Variants in TNRC6A observed in about 807,000 individuals in gnomAD.
TNRC6A encodes the protein trinucleotide repeat containing adaptor 6A.
TNRC6A carries 44 observed loss-of-function variants against 221.2 expected under a neutral mutation model. That is an observed-to-expected ratio of 0.20 (90% CI 0.16 to 0.26). The LOEUF (loss-of-function observed/expected upper bound fraction) is 0.26, where lower values mean the gene tolerates loss of function less well. Among genes scored for constraint, TNRC6A ranks in the 10% least tolerant of loss-of-function variants. The pLI, the probability that TNRC6A is intolerant of heterozygous loss-of-function variation, is 1.00. For missense variants in TNRC6A, 2,199 were observed against 2,404.4 expected (o/e 0.91, Z 1.79); for synonymous variants, 847 against 838.5 (o/e 1.01, Z -0.18).
chr16:24,776,087 CAGAA>C (rs2057712440), intron 4 of TNRC6A, among the ~76,000 whole-genome samples: 1 of 152,092 alleles, frequency 6.6e-6, no homozygotes, highest in East Asian at 1.9e-4. Context: ...TGCCCAAAGA[CAGAA>C]AGCTTGTAAA....
intron 1 of TNRC6A, among the ~76,000 whole-genome samples, chr16:24,624,089 G>A (rs2141620028): frequency 6.6e-6 from 1 of 152,230 alleles, no homozygotes; most frequent in Non-Finnish European, 1.5e-5. Context: ...TCTTTCACCT[G>A]TCTGGGCATC....
intron 2 of TNRC6A, among the ~76,000 whole-genome samples, chr16:24,644,081 ATTTTTTT>A (rs748251760): frequency 3.7e-5 from 3 of 81,564 alleles, no homozygotes; most frequent in African/African-American, 5.3e-5. Context: ...CTTATCTTTA[ATTTTTTT>A]TTTTTTTTTT....
At chr16:24,779,504 G>A (rs2057794510) in intron 5 of TNRC6A, among the ~76,000 whole-genome samples, 1 of 152,206 alleles carries the variant, frequency 6.6e-6, no homozygotes, top group Non-Finnish European at 1.5e-5. Context: ...AGGAGAGTCA[G>A]TGAAGGCCTC....
chr16:24,781,664 G>C (rs1029085934), intron 5 of TNRC6A, among the ~76,000 whole-genome samples: 1 of 151,992 alleles, frequency 6.6e-6, no homozygotes, highest in South Asian at 2.1e-4. Context: ...TGAACTCTTT[G>C]TGTTGCCCCG....
intron 5 of TNRC6A, among the ~76,000 whole-genome samples, chr16:24,779,707 G>T (rs2057798994): frequency 6.6e-6 from 1 of 152,328 alleles, no homozygotes; most frequent in Non-Finnish European, 1.5e-5. Context: ...CAAGGTACTA[G>T]TTAGTATAAA....
intron 2 of TNRC6A, among the ~76,000 whole-genome samples, chr16:24,731,204 C>CT (rs916603069): frequency 6.6e-5 from 10 of 151,490 alleles, no homozygotes; most frequent in South Asian, 2.1e-4. Flanking sequence ...TTCTTTTTTT[C>CT]TTTTTTTTCA....
intron 2 of TNRC6A, among the ~76,000 whole-genome samples, chr16:24,675,447 G>A (rs554376877): frequency 1.3e-5 from 2 of 151,810 alleles, no homozygotes; most frequent in Admixed American, 6.6e-5. Context: ...TTGGGAGGCC[G>A]AGGCAGGTGG....
intron 21 of TNRC6A, among the ~76,000 whole-genome samples, chr16:24,819,281 A>G (rs1330222618): frequency 6.6e-6 from 1 of 152,192 alleles, no homozygotes; most frequent in East Asian, 1.9e-4. Context: ...GTGATGGAAG[A>G]CAGGAATTGT....
chr16:24,713,466 A>G (rs2056250843), intron 2 of TNRC6A, among the ~76,000 whole-genome samples: 1 of 151,820 alleles, frequency 6.6e-6, no homozygotes, highest in African/African-American at 2.4e-5. Flanking sequence ...ATATATATAT[A>G]TATATGTTAC....
chr16:24,653,622 A>G (rs1902786740), intron 2 of TNRC6A, among the ~76,000 whole-genome samples: 1 of 152,076 alleles, frequency 6.6e-6, no homozygotes, highest in South Asian at 2.1e-4. Flanking sequence ...CTAAAAATAC[A>G]AAAATTAGGC....
intron 1 of TNRC6A, among the ~76,000 whole-genome samples, chr16:24,621,593 G>T (rs1900680203): frequency 1.3e-5 from 2 of 151,886 alleles, no homozygotes; most frequent in Non-Finnish European, 2.9e-5. Flanking sequence ...CCTGACCTCA[G>T]ATGATCCACC....
chr16:24,631,570 G>A (rs767012267), intron 1 of TNRC6A, among the ~76,000 whole-genome samples: 6 of 152,044 alleles, frequency 3.9e-5, no homozygotes, highest in Non-Finnish European at 8.8e-5. Flanking sequence ...TTAAGAGTTC[G>A]AGACCAGCCT....
chr16:24,782,990 C>T (rs1431800477), intron 5 of TNRC6A, among the ~76,000 whole-genome samples: 1 of 152,184 alleles, frequency 6.6e-6, no homozygotes, highest in African/African-American at 2.4e-5. Context: ...ACTTTCGAAG[C>T]TCTTCCCTTT....
chr16:24,699,984 T>A (rs545719143), intron 2 of TNRC6A, among the ~76,000 whole-genome samples: 1 of 152,254 alleles, frequency 6.6e-6, no homozygotes, highest in South Asian at 2.1e-4. Flanking sequence ...CCAAAGGCTA[T>A]GTTCCTTCCA....
chr16:24,674,150 A>G (rs1466565143), intron 2 of TNRC6A, among the ~76,000 whole-genome samples: 1 of 152,064 alleles, frequency 6.6e-6, no homozygotes, highest in African/African-American at 2.4e-5. Context: ...AGCTCACTGT[A>G]GCCTTGACCT....
chr16:24,794,839 T>G (rs962032441), intron 8 of TNRC6A, 120 bp downstream of exon 8: 33 of 882,534 alleles, frequency 3.7e-5, no homozygotes, highest in African/African-American at 8.6e-5. Context: ...AGCCCCCACC[T>G]TAGGTATAGC....
intron 2 of TNRC6A, among the ~76,000 whole-genome samples, chr16:24,704,286 G>A (rs186529133): frequency 2.0e-5 from 3 of 151,846 alleles, no homozygotes; most frequent in Non-Finnish European, 4.4e-5. Context: ...GAGACTGGTG[G>A]GGGGCGGGAG....
chr16:24,616,325 CA>C (rs397855433), intron 1 of TNRC6A, among the ~76,000 whole-genome samples: 6,977 of 74,010 alleles, frequency 0.094, 144 homozygotes, highest in African/African-American at 0.14. Flanking sequence ...GATGCTGTCT[CA>C]AAAAAAAAAA....
At chr16:24,738,121 C>T (rs1194583103) in intron 2 of TNRC6A, among the ~76,000 whole-genome samples, 1 of 152,130 alleles carries the variant, frequency 6.6e-6, no homozygotes, top group Non-Finnish European at 1.5e-5. Flanking sequence ...TCTTAGAAAC[C>T]TTTGTTGGCT....
Sources: gnomAD v4.1 joint callset for allele counts (sites outside exome capture counted in the v4.1 genomes callset) on GRCh38, gnomAD v4.1.1 for gene constraint, MANE v1.5 for transcripts, NCBI Gene and HGNC (gene_info 2026-07-23, HGNC 2026-07-21) for gene names.